Variants in NWD2 observed in about 807,000 individuals in gnomAD.
NWD2 encodes NACHT and WD repeat domain containing 2.
In NWD2, 37 loss-of-function variants were observed where a neutral mutation model predicts 132.7. The ratio of observed to expected loss-of-function variants is 0.28; its 90% CI spans 0.21 to 0.37. NWD2 has a LOEUF of 0.37. Among genes scored for constraint, NWD2 ranks in the 10% least tolerant of loss-of-function variants. The pLI, the probability that NWD2 is intolerant of heterozygous loss-of-function variation, is 1.00. For missense variants in NWD2, 1,592 were observed against 2,122.4 expected (o/e 0.75, Z 4.91); for synonymous variants, 705 against 803.0 (o/e 0.88, Z 2.06).
intron 3 of NWD2, among the ~76,000 whole-genome samples, chr4:37,395,653 G>T (rs1720775114): frequency 6.7e-6 from 1 of 148,544 alleles, no homozygotes; most frequent in Admixed American, 6.8e-5. Context: ...CCATTATGGG[G>T]AAGGGGCCTT....
chr4:37,304,418 T>G (rs930560066), intron 1 of NWD2, among the ~76,000 whole-genome samples: 4 of 152,224 alleles, frequency 2.6e-5, no homozygotes, highest in Admixed American at 2.0e-4. Context: ...ACAATCATAC[T>G]TTCTCAGCAG....
intron 3 of NWD2, among the ~76,000 whole-genome samples, chr4:37,389,238 A>G (rs1720634041): frequency 6.6e-6 from 1 of 152,220 alleles, no homozygotes; most frequent in African/African-American, 2.4e-5. Context: ...CCCCTGCCTC[A>G]GGCCACTCTG....
Position 37,295,336 on chromosome 4 carries a change from A to G in NWD2, c.152-30600A>G, listed in dbSNP as rs557935136. Among the ~76,000 whole-genome samples, 20 of 152,316 alleles carry G rather than the reference A, an allele frequency of 1.3e-4. No individual in the cohort carries two copies. In the South Asian group the frequency reaches 3.5e-3, roughly 27 times the overall value. On this transcript the variant is annotated intron_variant, in intron 1 of 6. Coordinates refer to ENST00000309447, the MANE Select transcript of NWD2 (RefSeq NM_001144990.2). ...TGTACTTTGTGTTTGAACACCTCCA[A>G]TAGTTGTGAATCTATCTCTTTAAAG...
intron 6 of NWD2, among the ~76,000 whole-genome samples, chr4:37,440,166 A>AT (rs1310080038): frequency 2.0e-5 from 3 of 151,766 alleles, no homozygotes; most frequent in Non-Finnish European, 2.9e-5. Flanking sequence ...AGGGGAATGC[A>AT]TCTTTTTTCT....
Position 37,446,398 on chromosome 4 carries a change from C to T in NWD2, c.4410C>T (p.Thr1470=). 1 of 1,551,720 alleles carries T rather than the reference C, an allele frequency of 6.4e-7. No individual in the cohort carries two copies. Among genetic ancestry groups the T allele is most frequent in the Non-Finnish European group, 8.7e-7 (1 of 1,147,000 alleles). ...TCAGTCTTTGGACAGGAAGTATCAC[C>T]AAGAAATTTTGCTGTGAAGATGGGA... ...LAVSLWTGSI[T]KKFCCEDGTT... is the part of the protein sequence containing the mutation. The change falls in exon 7 of 7, where the codon ACC becomes ACT. Residue 1470 remains threonine (T), a synonymous_variant. Coordinates refer to ENST00000309447, the MANE Select transcript of NWD2 (RefSeq NM_001144990.2). This position sits in a 1 kb window ranked among gnomAD's most constrained non-coding sequence, Gnocchi z 6.7.
In NWD2 at chr4:37,244,930, G is replaced by T. The variant is rs901692899; in HGVS notation, c.-138G>T. 6.1e-6 allele frequency: 7 copies of T among 1,155,922 alleles called. No homozygotes were observed. Among genetic ancestry groups the T allele is most frequent in the African/African-American group, 1.6e-5 (1 of 61,686 alleles). 71.6% of individuals were successfully genotyped at this position (1,155,922 alleles called of 1,614,324 possible). A position where few individuals can be genotyped will look rare whatever the true frequency, so the allele number is the denominator to read the frequency against. ...GTGCGCCACGGAGCTCGCCAAAGGC[G>T]CTTCGGGCTCGGAGCGGCTCTGAGC... On this transcript the variant is annotated 5_prime_UTR_variant, in exon 1 of 7. Coordinates refer to ENST00000309447, the MANE Select transcript of NWD2 (RefSeq NM_001144990.2). The surrounding 1 kb of genome is among the most constrained non-coding windows in gnomAD (Gnocchi z 5.5).
intron 3 of NWD2, among the ~76,000 whole-genome samples, chr4:37,419,869 ACTT>A (rs1711753621): frequency 6.6e-6 from 1 of 152,212 alleles, no homozygotes; most frequent in South Asian, 2.1e-4. Flanking sequence ...AAATTGTTGA[ACTT>A]CTTTGCACAC....
chr4:37,358,044 T>C (rs929173924), intron 3 of NWD2, among the ~76,000 whole-genome samples: 3 of 152,182 alleles, frequency 2.0e-5, no homozygotes, highest in Non-Finnish European at 4.4e-5. Context: ...TTTTCATCTT[T>C]TATGATTAAG....
intron 1 of NWD2, among the ~76,000 whole-genome samples, chr4:37,248,463 A>G (rs1489568488): frequency 3.9e-5 from 6 of 152,188 alleles, no homozygotes; most frequent in Admixed American, 3.9e-4. Context: ...ATTATCCCAG[A>G]TTTTTTTAAG....
At position 37,271,140 on chromosome 4, in the gene NWD2, C is replaced by T. The variant is rs375973416; in HGVS notation, c.151+25922C>T. 2.6e-5 allele frequency among the ~76,000 whole-genome samples: 4 copies of T among 151,848 alleles called. No individual in the cohort carries two copies. In the East Asian group the frequency reaches 5.8e-4, roughly 22 times the overall value. On this transcript the variant is annotated intron_variant, in intron 1 of 6. Transcript: ENST00000309447. ...TCCATTACCATACTGCCTTGATTAC[C>T]GTAGCTTTATAGTAAATCTTGAGAT...
intron 2 of NWD2, among the ~76,000 whole-genome samples, chr4:37,346,400 G>A (rs955916720): frequency 1.3e-5 from 2 of 152,114 alleles, no homozygotes; most frequent in African/African-American, 2.4e-5. Context: ...GCACTATACT[G>A]TCTTAATTAT....
At chr4:37,256,996 C>T (rs73807458) in intron 1 of NWD2, among the ~76,000 whole-genome samples, 12,574 of 152,178 alleles carry the variant, frequency 0.083, 576 homozygotes, top group Non-Finnish European at 0.098. Context: ...AGAAGTGTCA[C>T]TGTACCAGAT....
At chr4:37,328,622 G>A (rs2219845) in intron 2 of NWD2, among the ~76,000 whole-genome samples, 23,451 of 148,576 alleles carry the variant, frequency 0.16, 2,309 homozygotes, top group South Asian at 0.32. Flanking sequence ...GATGTGCCAC[G>A]TTTTCTTTAT....
At chr4:37,284,162 G>A (rs575215737) in intron 1 of NWD2, among the ~76,000 whole-genome samples, 33 of 152,186 alleles carry the variant, frequency 2.2e-4, no homozygotes, top group African/African-American at 7.7e-4. Flanking sequence ...CAAATATCAA[G>A]GTGCCAGCAG....
chr4:37,426,829 G>A (rs754148094), intron 3 of NWD2, among the ~76,000 whole-genome samples: 2 of 152,240 alleles, frequency 1.3e-5, no homozygotes, highest in Admixed American at 1.3e-4. Context: ...GATCTGTGGA[G>A]CATATTTTAG....
At chr4:37,284,215 C>T (rs1200831832) in intron 1 of NWD2, among the ~76,000 whole-genome samples, 2 of 152,116 alleles carry the variant, frequency 1.3e-5, no homozygotes, top group African/African-American at 4.8e-5. Context: ...TCGTAGGTGG[C>T]ACATGGTAGT....
chr4:37,335,400 C>T (rs1230063205), intron 2 of NWD2, among the ~76,000 whole-genome samples: 1 of 151,682 alleles, frequency 6.6e-6, no homozygotes, highest in Non-Finnish European at 1.5e-5. Context: ...TTCCAGAGTA[C>T]TTTATTTCTA....
intron 3 of NWD2, among the ~76,000 whole-genome samples, chr4:37,394,799 GTTTTTT>G (rs1175840735): frequency 3.8e-5 from 2 of 52,600 alleles, no homozygotes; most frequent in Non-Finnish European, 6.4e-5. Context: ...AACCTTTATG[GTTTTTT>G]TTTTTTTTTT....
At chr4:37,292,160 T>G (rs1718376655) in intron 1 of NWD2, among the ~76,000 whole-genome samples, 1 of 152,200 alleles carries the variant, frequency 6.6e-6, no homozygotes, top group Non-Finnish European at 1.5e-5. Flanking sequence ...CGATCCGTTG[T>G]CAGGGCAAAT....
Sources: gnomAD v4.1 joint callset for allele counts (sites outside exome capture counted in the v4.1 genomes callset) on GRCh38, gnomAD v4.1.1 for gene constraint, Gnocchi (gnomAD v3.1) non-coding constraint, MANE v1.5 for transcripts, NCBI Gene and HGNC (gene_info 2026-07-23, HGNC 2026-07-21) for gene names.